Variants in UNC13C observed in about 807,000 individuals in gnomAD.
UNC13C encodes the protein protein unc-13 homolog C.
A neutral mutation model predicts 245.4 loss-of-function variants in UNC13C; 174 were observed. That is an observed-to-expected ratio of 0.71 (90% CI 0.63 to 0.80). The LOEUF (loss-of-function observed/expected upper bound fraction) is 0.80, where lower values mean the gene tolerates loss of function less well. UNC13C is among the 30% of genes least tolerant of loss of function. The pLI is 0.00. For synonymous variants in UNC13C, 992 were observed against 895.1 expected, an observed-to-expected ratio of 1.11 and a Z score of -1.93; for missense variants, 2,829 against 2,602.9, an observed-to-expected ratio of 1.09 and a Z score of -1.89.
At chr15:54,406,284 T>G (rs1410728111) in intron 18 of UNC13C, among the ~76,000 whole-genome samples, 1 of 152,202 alleles carries the variant, frequency 6.6e-6, no homozygotes, top group Non-Finnish European at 1.5e-5. Flanking sequence ...CACATTCCTT[T>G]TGACATCCCT....
At chr15:54,118,461 A>T (rs1383328060) in intron 2 of UNC13C, among the ~76,000 whole-genome samples, 2 of 152,118 alleles carry the variant, frequency 1.3e-5, no homozygotes, top group South Asian at 2.1e-4. Context: ...TTTGCTGTTG[A>T]TATATAGAAA....
At chr15:53,984,956 G>T (rs895326525) in intron 1 of UNC13C, among the ~76,000 whole-genome samples, 1 of 151,888 alleles carries the variant, frequency 6.6e-6, no homozygotes, top group Non-Finnish European at 1.5e-5. Context: ...AAATCTTAGC[G>T]ACTTTCTTTT....
chr15:54,188,437 G>A (rs1028523706), intron 4 of UNC13C, among the ~76,000 whole-genome samples: 3 of 151,956 alleles, frequency 2.0e-5, no homozygotes, highest in Non-Finnish European at 4.4e-5. Flanking sequence ...AATTTTAATT[G>A]AATAATTACA....
In UNC13C at chr15:54,193,546, A is replaced by G. The variant is rs75182340; in HGVS notation, c.3072-41484A>G. ...TGTTGAGCCTCCGATCAGCTTTTCA[A>G]TGTTCCCTCTGGTCCCACCTACCAA... On this transcript the variant is annotated intron_variant, in intron 4 of 32. Coordinates refer to ENST00000260323, the MANE Select transcript of UNC13C (RefSeq NM_001080534.3). Among the ~76,000 whole-genome samples, 933 of 152,064 alleles carry G rather than the reference A, an allele frequency of 6.1e-3. 55 individuals carry two copies. The East Asian group carries it at 0.11, about 18-fold the overall frequency.
At chr15:53,891,178 T>G in the UNC13C span, among the ~76,000 whole-genome samples, 1 of 152,166 alleles carries the variant, frequency 6.6e-6, no homozygotes, top group Non-Finnish European at 1.5e-5. Flanking sequence ...TGGTTTTGAG[T>G]GAGTTTCTTA....
intron 2 of UNC13C, among the ~76,000 whole-genome samples, chr15:54,066,589 C>T (rs1595799472): frequency 6.6e-6 from 1 of 152,184 alleles, no homozygotes; most frequent in Non-Finnish European, 1.5e-5. Flanking sequence ...AGCACTCCTC[C>T]GTTGAGGAAA....
chr15:54,023,079 T>C (rs1254913226), intron 2 of UNC13C, among the ~76,000 whole-genome samples: 3 of 152,200 alleles, frequency 2.0e-5, no homozygotes, highest in African/African-American at 4.8e-5. Flanking sequence ...AAGAAACCAA[T>C]AGGTATGCTA....
At chr15:54,296,178 C>T (rs1368609618) in intron 11 of UNC13C, among the ~76,000 whole-genome samples, 1 of 151,850 alleles carries the variant, frequency 6.6e-6, no homozygotes, top group African/African-American at 2.4e-5. Context: ...TTCTCTTGGC[C>T]CCAGCAGAGA....
chr15:54,046,304 G>A (rs548384323), intron 2 of UNC13C, among the ~76,000 whole-genome samples: 2 of 152,214 alleles, frequency 1.3e-5, no homozygotes, highest in Admixed American at 1.3e-4. Flanking sequence ...GGCTTGTTAG[G>A]TTTAGCAATT....
intron 10 of UNC13C, among the ~76,000 whole-genome samples, chr15:54,286,558 A>G (rs950960524): frequency 2.6e-5 from 4 of 152,222 alleles, no homozygotes; most frequent in Admixed American, 6.5e-5. Context: ...TTCTCTAGGT[A>G]GAGCGATCCA....
intron 7 of UNC13C, among the ~76,000 whole-genome samples, chr15:54,242,765 A>C (rs902588955): frequency 1.3e-5 from 2 of 152,244 alleles, no homozygotes; most frequent in Non-Finnish European, 2.9e-5. Flanking sequence ...TAATAATAAT[A>C]ATCTAACCAT....
intron 19 of UNC13C, among the ~76,000 whole-genome samples, chr15:54,422,067 A>G (rs751772903): frequency 1.6e-4 from 25 of 152,062 alleles, no homozygotes; most frequent in Non-Finnish European, 3.1e-4. Context: ...TAGAAGTACA[A>G]CCTTCTCACC....
chr15:54,147,876 C>T (rs1286317530), intron 4 of UNC13C, among the ~76,000 whole-genome samples: 1 of 151,676 alleles, frequency 6.6e-6, no homozygotes, highest in Non-Finnish European at 1.5e-5. Context: ...GTCTATAAAG[C>T]AATGGTGGGA....
At position 54,015,055 on chromosome 15, in the gene UNC13C, G is replaced by T; in HGVS notation, c.2152G>T (p.Asp718Tyr). The change falls in exon 2 of 33, where the codon GAC becomes TAC. Residue 718 changes from aspartate (D) to tyrosine (Y), a missense_variant. Transcript: ENST00000260323. The part of the protein sequence containing the change: ...DSESYDLTQD[D>Y]NSSPCPGLDN... ...AGAGAGCTACGACTTAACTCAAGAT[G>T]ACAATTCTTCTCCATGCCCTGGCTT... 6.2e-7 allele frequency: 1 copy of T among 1,612,934 alleles called. No individual in the cohort carries two copies. The highest frequency in any genetic ancestry group is 8.5e-7 in the Non-Finnish European group (1 of 1,179,514).
intron 8 of UNC13C, among the ~76,000 whole-genome samples, chr15:54,255,870 A>C (rs2036266498): frequency 6.6e-6 from 1 of 152,164 alleles, no homozygotes; most frequent in Admixed American, 6.5e-5. Context: ...ACAACACTAA[A>C]AGGGAAATGA....
chr15:54,092,158 A>G (rs1157195573), intron 2 of UNC13C, among the ~76,000 whole-genome samples: 1 of 152,138 alleles, frequency 6.6e-6, no homozygotes, highest in African/African-American at 2.4e-5. Context: ...GGGATGTGAG[A>G]TCCCAGAAGG....
chr15:53,996,481 A>G (rs1451730039), intron 1 of UNC13C, among the ~76,000 whole-genome samples: 5 of 152,242 alleles, frequency 3.3e-5, no homozygotes, highest in African/African-American at 1.2e-4. Flanking sequence ...TTATTTAGAT[A>G]TTTTTATTGG....
In UNC13C at chr15:54,367,595, C is replaced by T. The variant is rs1222253816; in HGVS notation, c.4714-25453C>T. Among the ~76,000 whole-genome samples the T allele has an allele frequency of 3.9e-5, 6 of 152,154 alleles. No homozygotes were observed. The South Asian group carries it at 6.2e-4, about 16-fold the overall frequency. On this transcript the variant is annotated intron_variant, in intron 17 of 32. Coordinates refer to ENST00000260323, the MANE Select transcript of UNC13C (RefSeq NM_001080534.3). ...ATCTGCTCCATGAATACTGATAGAA[C>T]GAATGAATCAAAAATATTTAAAAGT...
intron 1 of UNC13C, among the ~76,000 whole-genome samples, chr15:53,989,756 A>T (rs1024225698): frequency 3.9e-5 from 6 of 152,148 alleles, no homozygotes; most frequent in Non-Finnish European, 8.8e-5. Flanking sequence ...GAACTTATTT[A>T]TACTAATGTA....
Sources: allele counts gnomAD v4.1 joint callset (sites outside exome capture counted in the v4.1 genomes callset), GRCh38; gene constraint gnomAD v4.1.1; transcripts MANE v1.5; gene names NCBI Gene and HGNC (gene_info 2026-07-23, HGNC 2026-07-21).